The following ACACA variants were observed in gnomAD, a reference collection of about 807,000 sequenced individuals.
ACACA encodes the protein acetyl-CoA carboxylase alpha, also known as acetyl-CoA carboxylase 1.
ACACA carries 103 observed loss-of-function variants against 296.1 expected under a neutral mutation model. That is an observed-to-expected ratio of 0.35 (90% CI 0.30 to 0.41). ACACA has a LOEUF of 0.41. Among genes scored for constraint, ACACA ranks in the 10% least tolerant of loss-of-function variants. The probability of loss-of-function intolerance (pLI) is 1.00; values close to 1 mark genes in which losing one functional copy is unlikely to be tolerated. For synonymous variants in ACACA, 953 were observed against 1,038.6 expected (o/e 0.92, Z 1.58); for missense variants, 1,554 against 2,989.7 (o/e 0.52, Z 11.20).
chr17:37,371,297 T>C lies in ACACA; in HGVS notation c.39-31447A>G, dbSNP rs191123849. Among the ~76,000 whole-genome samples the C allele has an allele frequency of 5.0e-4, 76 of 151,934 alleles. No homozygotes were observed. In the Middle Eastern group the frequency reaches 0.01, roughly 20 times the overall value. On this transcript the variant is annotated intron_variant, in intron 1 of 55. Transcript: ENST00000616317. ...TTTCTCCATGTTGGTCAGGCGTGTC[T>C]TGAACTCCTGACCTCAGGTGATCCA...
intron 24 of ACACA, among the ~76,000 whole-genome samples, chr17:37,236,263 C>T (rs1002073940): frequency 2.0e-5 from 3 of 152,072 alleles, no homozygotes; most frequent in Admixed American, 1.3e-4. Flanking sequence ...ACTACAATAT[C>T]GAGAGAGCTG....
intron 44 of ACACA, among the ~76,000 whole-genome samples, chr17:37,150,188 C>G (rs1485147298): frequency 6.6e-6 from 1 of 152,124 alleles, no homozygotes; most frequent in African/African-American, 2.4e-5. Flanking sequence ...ATGGCTCATG[C>G]CTATCATCCT....
intron 52 of ACACA, among the ~76,000 whole-genome samples, chr17:37,102,741 C>A (rs556298297): frequency 5.3e-5 from 8 of 152,376 alleles, no homozygotes; most frequent in African/African-American, 1.9e-4. Flanking sequence ...AGAAACCAGG[C>A]TTTGGCTTCG....
chr17:37,285,823 G>C (rs972718864), intron 3 of ACACA, among the ~76,000 whole-genome samples: 2 of 151,552 alleles, frequency 1.3e-5, no homozygotes, highest in South Asian at 2.1e-4. Flanking sequence ...GAATGAGATG[G>C]GTGTCTCAAA....
intron 41 of ACACA, among the ~76,000 whole-genome samples, chr17:37,166,186 T>C (rs2076658911): frequency 6.6e-6 from 1 of 152,054 alleles, no homozygotes; most frequent in African/African-American, 2.4e-5. Context: ...TAGGCTGGAG[T>C]GCAGTGGCAC....
chr17:37,165,472 A>AT (rs2076630173), intron 41 of ACACA, among the ~76,000 whole-genome samples: 1 of 152,150 alleles, frequency 6.6e-6, no homozygotes, highest in Non-Finnish European at 1.5e-5. Context: ...CATGGGTTTG[A>AT]TAAACACACT....
At chr17:37,334,025 G>T (rs900186852) in intron 2 of ACACA, among the ~76,000 whole-genome samples, 3 of 151,846 alleles carry the variant, frequency 2.0e-5, no homozygotes, top group African/African-American at 7.3e-5. Flanking sequence ...AACCCAAGGA[G>T]TATCCCAGGT....
chr17:37,258,142 T>G, intron 13 of ACACA, 70 bp downstream of exon 13: 2 of 1,549,554 alleles, frequency 1.3e-6, no homozygotes, highest in Non-Finnish European at 1.8e-6. Flanking sequence ...TTCAGAAGTA[T>G]ACTTTCAGAT....
intron 1 of ACACA, chr17:37,389,377 T>G: frequency 6.4e-7 from 1 of 1,562,708 alleles, no homozygotes; most frequent in South Asian, 1.2e-5. Flanking sequence ...GTGTTCTCTG[T>G]GTGGTTTATG....
chr17:37,268,737 C>CTCTCTA (rs2081919489), intron 10 of ACACA, among the ~76,000 whole-genome samples: 1 of 70,934 alleles, frequency 1.4e-5, no homozygotes, highest in Admixed American at 2.0e-4. Context: ...ATCTATCTAT[C>CTCTCTA]TATCTATATA....
intron 12 of ACACA, 94 bp downstream of exon 12, chr17:37,259,266 G>A (rs1319756940): frequency 1.5e-6 from 2 of 1,355,980 alleles, no homozygotes; most frequent in Non-Finnish European, 2.1e-6. Flanking sequence ...GACTCAGATA[G>A]GAGGTGCTTT....
chr17:37,262,977 G>C (rs969833272), intron 11 of ACACA, among the ~76,000 whole-genome samples: 16 of 152,180 alleles, frequency 1.1e-4, no homozygotes, highest in African/African-American at 3.6e-4. Flanking sequence ...TGATCTGTCC[G>C]CCTTAGCCTC....
rs1279215354 is a variant in ACACA at position 37,085,745 on chromosome 17, GCA to G, written c.*1569_*1570del. 12 of 399,262 alleles carry G rather than the reference GCA, an allele frequency of 3.0e-5. No individual in the cohort carries two copies. The highest frequency in any genetic ancestry group is 1.3e-4 in the South Asian group (1 of 7,864). 24.7% of individuals were successfully genotyped at this position (399,262 alleles called of 1,614,324 possible). On this transcript the variant is annotated 3_prime_UTR_variant, in exon 56 of 56. Transcript: ENST00000616317. ...ATTGAAAAGTCCAGCCAATCTATCC[GCA>G]CAGATTCCTCCTGAAGAAGGGGAGG...
intron 1 of ACACA, chr17:37,391,589 A>G (rs1334081385): frequency 4.0e-6 from 6 of 1,501,990 alleles, no homozygotes; most frequent in Non-Finnish European, 4.6e-6. Context: ...TTCTTGGTAC[A>G]TGAAGAACTA....
intron 3 of ACACA, among the ~76,000 whole-genome samples, chr17:37,312,045 G>C (rs1024822785): frequency 1.3e-5 from 2 of 152,048 alleles, no homozygotes. Context: ...GAGGCCAGGA[G>C]TTTGAGACCA....
chr17:37,278,049 TC>T, intron 5 of ACACA, 44 bp from the exon 6 acceptor site: 1 of 1,461,556 alleles, frequency 6.8e-7, no homozygotes, highest in Non-Finnish European at 9.6e-7. Context: ...GATTTTTTTT[TC>T]CAGAAATATA....
chr17:37,131,457 G>A (rs1232214278), intron 45 of ACACA, among the ~76,000 whole-genome samples: 3 of 152,076 alleles, frequency 2.0e-5, no homozygotes, highest in Admixed American at 6.5e-5. Flanking sequence ...CTAAACAGTT[G>A]TAGAGCGCTT....
intron 41 of ACACA, among the ~76,000 whole-genome samples, chr17:37,166,758 T>C (rs2076683900): frequency 6.6e-6 from 1 of 152,148 alleles, no homozygotes; most frequent in African/African-American, 2.4e-5. Flanking sequence ...AATTATAAAA[T>C]GGGGATGACA....
At chr17:37,156,619 C>T (rs2076263037) in intron 42 of ACACA, among the ~76,000 whole-genome samples, 1 of 152,190 alleles carries the variant, frequency 6.6e-6, no homozygotes, top group Non-Finnish European at 1.5e-5. Flanking sequence ...CAATAAACAA[C>T]TCCTAATGCC....
Sources: gnomAD v4.1 joint callset for allele counts (sites outside exome capture counted in the v4.1 genomes callset) on GRCh38, gnomAD v4.1.1 for gene constraint, MANE v1.5 for transcripts, NCBI Gene and HGNC (gene_info 2026-07-23, HGNC 2026-07-21) for gene names.